The following CDH8 variants were observed in gnomAD, a reference collection of about 807,000 sequenced individuals.
The protein encoded by CDH8 is cadherin 8, also known as cadherin-8.
Under a neutral mutation model 68.1 loss-of-function variants are expected in CDH8, and 17 were observed. That is an observed-to-expected ratio of 0.25 (90% CI 0.17 to 0.37). The LOEUF (loss-of-function observed/expected upper bound fraction) is 0.37, where lower values mean the gene tolerates loss of function less well. Among genes scored for constraint, CDH8 ranks in the 10% least tolerant of loss-of-function variants. The pLI is 1.00. For missense variants in CDH8, 763 were observed against 999.3 expected (o/e 0.76, Z 3.19); for synonymous variants, 372 against 365.1 (o/e 1.02, Z -0.21).
intron 7 of CDH8, among the ~76,000 whole-genome samples, chr16:61,798,182 C>CA (rs1201551935): frequency 6.6e-6 from 1 of 152,064 alleles, no homozygotes; most frequent in East Asian, 1.9e-4. Flanking sequence ...GATGATGTAA[C>CA]AAAAAATGCA....
At chr16:61,811,622 G>A (rs1320351768) in intron 7 of CDH8, among the ~76,000 whole-genome samples, 1 of 152,084 alleles carries the variant, frequency 6.6e-6, no homozygotes, top group African/African-American at 2.4e-5. Flanking sequence ...ATTTACAATA[G>A]CCAAAATGGG....
chr16:61,791,798 A>T lies in CDH8; in HGVS notation c.1278-2316T>A, dbSNP rs185081817. On this transcript the variant is annotated intron_variant, in intron 7 of 11. Coordinates refer to ENST00000577390, the MANE Select transcript of CDH8 (RefSeq NM_001796.5). The stretch of plus-strand genomic sequence containing the variant: ...AAATGTTGTTGTTTGTGAATCCTTT[A>T]TTCAAATATGCATCATGCAGAACTC... Among the ~76,000 whole-genome samples the T allele has an allele frequency of 2.0e-5, 3 of 152,182 alleles. No individual in the cohort carries two copies. The East Asian group carries it at 5.8e-4, about 29-fold the overall frequency.
intron 6 of CDH8, among the ~76,000 whole-genome samples, chr16:61,820,423 C>CA (rs1291427990): frequency 1.4e-5 from 2 of 144,062 alleles, no homozygotes; most frequent in Non-Finnish European, 3.0e-5. Flanking sequence ...AGCAAGAGTT[C>CA]AAACATGTGG....
chr16:61,803,619 A>C (rs1351092803), intron 7 of CDH8, among the ~76,000 whole-genome samples: 1 of 151,942 alleles, frequency 6.6e-6, no homozygotes, highest in African/African-American at 2.4e-5. Flanking sequence ...AGGATGGAGG[A>C]AGATCTACCA....
At chr16:61,712,756 C>A (rs1964654392) in intron 10 of CDH8, among the ~76,000 whole-genome samples, 1 of 151,574 alleles carries the variant, frequency 6.6e-6, no homozygotes, top group Non-Finnish European at 1.5e-5. Flanking sequence ...ATCTATATAA[C>A]AACTGTCATT....
chr16:61,941,277 T>C (rs1475581924), intron 2 of CDH8, among the ~76,000 whole-genome samples: 2 of 152,358 alleles, frequency 1.3e-5, no homozygotes, highest in South Asian at 4.1e-4. Flanking sequence ...TCTTCTTTTA[T>C]TGGAAAGTTA....
At chr16:61,932,447 C>T (rs1014410813) in intron 2 of CDH8, among the ~76,000 whole-genome samples, 4 of 152,056 alleles carry the variant, frequency 2.6e-5, no homozygotes, top group African/African-American at 9.7e-5. Flanking sequence ...CATATTTATG[C>T]TCCGTGTAAA....
chr16:61,702,235 G>A (rs1282655844), intron 10 of CDH8, among the ~76,000 whole-genome samples: 3 of 152,180 alleles, frequency 2.0e-5, no homozygotes, highest in Non-Finnish European at 4.4e-5. Context: ...AGCCGGGAGT[G>A]GCGGCGGGTG....
At chr16:61,903,128 A>G (rs183601132) in intron 2 of CDH8, among the ~76,000 whole-genome samples, 343 of 152,334 alleles carry the variant, frequency 2.3e-3, no homozygotes, top group Non-Finnish European at 4.1e-3. Flanking sequence ...AAACTTTGTT[A>G]ATTAACAAAT....
At chr16:61,682,594 G>A (rs572238524) in intron 10 of CDH8, among the ~76,000 whole-genome samples, 5 of 151,718 alleles carry the variant, frequency 3.3e-5, no homozygotes, top group South Asian at 4.1e-4. Flanking sequence ...GTTCACTACA[G>A]CCATGGTGTT....
chr16:61,684,406 G>A (rs1397248557), intron 10 of CDH8, among the ~76,000 whole-genome samples: 5 of 151,730 alleles, frequency 3.3e-5, no homozygotes, highest in African/African-American at 1.2e-4. Flanking sequence ...TTATTGGCTA[G>A]GCAATAAAAA....
chr16:61,723,085 A>G (rs906398366), intron 9 of CDH8, among the ~76,000 whole-genome samples: 1 of 150,750 alleles, frequency 6.6e-6, no homozygotes, highest in African/African-American at 2.4e-5. Flanking sequence ...CTCAGAAGAA[A>G]ATATTCAATT....
intron 9 of CDH8, among the ~76,000 whole-genome samples, chr16:61,723,647 T>C (rs989130729): frequency 1.3e-5 from 2 of 150,868 alleles, no homozygotes; most frequent in Admixed American, 1.3e-4. Context: ...TACTACTACA[T>C]TTTCAGTATC....
chr16:61,960,713 G>A (rs1359467498), intron 2 of CDH8, among the ~76,000 whole-genome samples: 1 of 151,652 alleles, frequency 6.6e-6, no homozygotes, highest in African/African-American at 2.4e-5. Context: ...CCTCCCTCTC[G>A]CCCTTTCTTT....
chr16:61,701,805 G>A (rs150807598), intron 10 of CDH8, among the ~76,000 whole-genome samples: 103 of 152,274 alleles, frequency 6.8e-4, no homozygotes, highest in African/African-American at 2.2e-3. Flanking sequence ...CCATGTCCAC[G>A]AAAGGTTACT....
intron 10 of CDH8, among the ~76,000 whole-genome samples, chr16:61,675,927 A>G (rs1166205708): frequency 6.6e-6 from 1 of 151,592 alleles, no homozygotes; most frequent in Non-Finnish European, 1.5e-5. Flanking sequence ...AAGTTGACAG[A>G]AGACATAAAA....
At chr16:61,697,706 G>A (rs1432649332) in intron 10 of CDH8, among the ~76,000 whole-genome samples, 1 of 152,154 alleles carries the variant, frequency 6.6e-6, no homozygotes, top group African/African-American at 2.4e-5. Context: ...GACCAGGCAG[G>A]TCTTGAACTC....
chr16:61,761,221 T>C (rs1412859518), intron 8 of CDH8, among the ~76,000 whole-genome samples: 2 of 152,136 alleles, frequency 1.3e-5, no homozygotes, highest in African/African-American at 2.4e-5. Context: ...ACAGAAGAAA[T>C]AACTGCCAAT....
In CDH8 at chr16:61,817,624, C is replaced by G. The variant is rs759159533; in HGVS notation, c.1132G>C (p.Val378Leu). Reference protein sequence around the residue: ...GRGPFKDTATVKIVVEDADEP... With the variant: ...GRGPFKDTATLKIVVEDADEP... ...TCAGCATCTTCAACCACGATTTTGA[C>G]TGTCGCCGTGTCTTTAAAGGGCCCC... Residue 378 changes from valine to leucine, a missense_variant, in exon 7 of 12, where the codon GTC becomes CTC. Val to Leu is a conservative substitution (Grantham distance 32, BLOSUM62 1). Transcript: ENST00000577390. 6.2e-6 allele frequency: 10 copies of G among 1,613,830 alleles called. No homozygotes were observed. In the African/African-American group the frequency reaches 1.2e-4, roughly 19 times the overall value.
Sources: gnomAD v4.1 joint callset for allele counts (sites outside exome capture counted in the v4.1 genomes callset) on GRCh38, gnomAD v4.1.1 for gene constraint, MANE v1.5 for transcripts, NCBI Gene and HGNC (gene_info 2026-07-23, HGNC 2026-07-21) for gene names.